Variants in ARHGAP25 observed in about 807,000 individuals in gnomAD.
ARHGAP25 encodes Rho GTPase activating protein 25, also known as rho GTPase-activating protein 25.
In ARHGAP25, 34 loss-of-function variants were observed where a neutral mutation model predicts 71.0. The observed-to-expected ratio is 0.48, with a 90% CI of 0.36 to 0.64. The LOEUF (loss-of-function observed/expected upper bound fraction) is 0.64, where lower values mean the gene tolerates loss of function less well. Ranked by LOEUF, ARHGAP25 falls within the 30% of genes least tolerant of loss-of-function variation. ARHGAP25 has a pLI of 0.00. For synonymous variants in ARHGAP25, 282 were observed against 296.5 expected, an observed-to-expected ratio of 0.95 and a Z score of 0.50; for missense variants, 706 against 805.1, an observed-to-expected ratio of 0.88 and a Z score of 1.49.
chr2:68,723,727 G>T (rs1674818934), intron 2 of ARHGAP25, among the ~76,000 whole-genome samples: 1 of 152,202 alleles, frequency 6.6e-6, no homozygotes, highest in South Asian at 2.1e-4. Flanking sequence ...TGGAATGAAT[G>T]ATGCCTGACT....
intron 1 of ARHGAP25, among the ~76,000 whole-genome samples, chr2:68,743,457 G>A (rs1675633970): frequency 6.6e-6 from 1 of 152,148 alleles, no homozygotes; most frequent in African/African-American, 2.4e-5. Context: ...CCTTCAAAAT[G>A]AGGCTCCCGC....
At chr2:68,764,525 G>A (rs1389877137) in intron 1 of ARHGAP25, among the ~76,000 whole-genome samples, 2 of 152,140 alleles carry the variant, frequency 1.3e-5, no homozygotes, top group African/African-American at 4.8e-5. Flanking sequence ...GTAGCTCCAG[G>A]TTAGGTGGAC....
In ARHGAP25 at chr2:68,767,189, C is replaced by T. The variant is rs978185585; in HGVS notation, c.62-8032C>T. ...GTCATCAGTCTCACAGTAAAGATGC[C>T]TTTTGAAGGGGCAGTGCTTTTCATA... On this transcript the variant is annotated intron_variant, in intron 1 of 10. Transcript: ENST00000409202. The surrounding 1 kb of genome is among the most constrained non-coding windows in gnomAD (Gnocchi z 4.6). 6.6e-6 allele frequency among the ~76,000 whole-genome samples: 1 copy of T among 152,120 alleles called. No individual in the cohort carries two copies. The highest frequency in any genetic ancestry group is 6.5e-5 in the Admixed American group (1 of 15,272).
chr2:68,760,254 A>G (rs1270337583), intron 1 of ARHGAP25, among the ~76,000 whole-genome samples: 2 of 152,036 alleles, frequency 1.3e-5, no homozygotes, highest in Admixed American at 6.5e-5. Context: ...AAAGACTCCA[A>G]GCTTTTACTC....
chr2:68,789,522 T>A (rs905644969), intron 4 of ARHGAP25, among the ~76,000 whole-genome samples: 15 of 152,126 alleles, frequency 9.9e-5, no homozygotes, highest in African/African-American at 3.6e-4. Context: ...TAGCATTGAT[T>A]TTATCCTGTC....
At chr2:68,812,502 C>G (rs1680903936) in intron 5 of ARHGAP25, among the ~76,000 whole-genome samples, 1 of 152,222 alleles carries the variant, frequency 6.6e-6, no homozygotes, top group African/African-American at 2.4e-5. Context: ...GCCCTAACTC[C>G]TCACCGCCTT....
chr2:68,718,276 C>A (rs575563715), intron 2 of ARHGAP25, among the ~76,000 whole-genome samples: 88 of 152,176 alleles, frequency 5.8e-4, no homozygotes, highest in Non-Finnish European at 1.0e-3. Flanking sequence ...TCTGGAGGAT[C>A]TAAGGGGAGA....
chr2:68,738,394 A>C (rs1297085326), intron 1 of ARHGAP25, among the ~76,000 whole-genome samples: 3 of 152,098 alleles, frequency 2.0e-5, no homozygotes, highest in Non-Finnish European at 4.4e-5. Context: ...GTTTCAGGAG[A>C]ATCCTGAAAC....
chr2:68,797,257 G>A (rs1017733046), intron 4 of ARHGAP25, among the ~76,000 whole-genome samples: 4 of 152,146 alleles, frequency 2.6e-5, no homozygotes, highest in African/African-American at 9.7e-5. Context: ...TGAAATGCTT[G>A]GTGAGGGGCA....
intron 5 of ARHGAP25, among the ~76,000 whole-genome samples, chr2:68,811,316 G>A (rs2311418): frequency 0.23 from 34,873 of 151,960 alleles, 4,248 homozygotes; most frequent in East Asian, 0.43. Context: ...TGCTGATAGA[G>A]ACAAATGGGT....
At chr2:68,715,954 A>T (rs746924071) in intron 2 of ARHGAP25, among the ~76,000 whole-genome samples, 1 of 152,138 alleles carries the variant, frequency 6.6e-6, no homozygotes, top group African/African-American at 2.4e-5. Flanking sequence ...TCTTTATTCC[A>T]TAGGTATTTT....
upstream of ARHGAP25, among the ~76,000 whole-genome samples, chr2:68,729,988 G>A (rs868085683): frequency 6.6e-6 from 1 of 152,168 alleles, no homozygotes; most frequent in South Asian, 2.1e-4. Flanking sequence ...CAATGACACA[G>A]GGATTTGTTA....
intron 2 of ARHGAP25, among the ~76,000 whole-genome samples, chr2:68,711,822 T>C (rs934048392): frequency 2.0e-5 from 3 of 152,226 alleles, no homozygotes; most frequent in Non-Finnish European, 2.9e-5. Context: ...TCCAGCTTCA[T>C]CCATGTCTCT....
chr2:68,783,130 T>C (rs1038095930), intron 3 of ARHGAP25, among the ~76,000 whole-genome samples: 2 of 152,210 alleles, frequency 1.3e-5, no homozygotes, highest in Non-Finnish European at 2.9e-5. Flanking sequence ...CAGCGTAGCA[T>C]AGAGGTTAGA....
intron 5 of ARHGAP25, among the ~76,000 whole-genome samples, 170 bp downstream of exon 5, chr2:68,807,650 G>A (rs1478873821): frequency 3.3e-5 from 5 of 152,170 alleles, no homozygotes; most frequent in East Asian, 1.9e-4. Context: ...TTTGGGAGAC[G>A]GGAGCACAGT....
At chr2:68,722,221 A>G (rs935634337) in intron 2 of ARHGAP25, among the ~76,000 whole-genome samples, 1 of 152,232 alleles carries the variant, frequency 6.6e-6, no homozygotes, top group African/African-American at 2.4e-5. Context: ...TTAATAAGCC[A>G]CAAGCTCTAA....
chr2:68,766,495 GAC>G (rs1260519891), intron 1 of ARHGAP25, among the ~76,000 whole-genome samples: 1 of 152,076 alleles, frequency 6.6e-6, no homozygotes, highest in Admixed American at 6.5e-5. Context: ...AACTGATGGA[GAC>G]ACACAGACCC....
chr2:68,784,793 G>A (rs6546435), intron 3 of ARHGAP25, among the ~76,000 whole-genome samples: 47,231 of 152,158 alleles, frequency 0.31, 7,803 homozygotes, highest in Middle Eastern at 0.4. Flanking sequence ...CGTGGGAAGA[G>A]ACTAGCAGCA....
At chr2:68,818,222 A>G (rs1681372780) in intron 8 of ARHGAP25, among the ~76,000 whole-genome samples, 1 of 152,252 alleles carries the variant, frequency 6.6e-6, no homozygotes, top group African/African-American at 2.4e-5. Flanking sequence ...CCCACAGTGC[A>G]GTAGACTAGT....
Sources: gnomAD v4.1 joint callset for allele counts (sites outside exome capture counted in the v4.1 genomes callset) on GRCh38, gnomAD v4.1.1 for gene constraint, Gnocchi (gnomAD v3.1) non-coding constraint, MANE v1.5 for transcripts, NCBI Gene and HGNC (gene_info 2026-07-23, HGNC 2026-07-21) for gene names.